The following ATP9B variants were observed in gnomAD, a reference collection of about 807,000 sequenced individuals.
ATP9B encodes ATPase phospholipid transporting 9B, also known as probable phospholipid-transporting ATPase IIB.
A neutral mutation model predicts 146.1 loss-of-function variants in ATP9B; 110 were observed. That is an observed-to-expected ratio of 0.75 (90% confidence interval 0.65 to 0.88). The LOEUF (loss-of-function observed/expected upper bound fraction) is 0.88. Ranked by LOEUF, ATP9B falls within the 40% of genes least tolerant of loss-of-function variation. The pLI is 0.00. For missense variants in ATP9B, 1,499 were observed against 1,496.4 expected (o/e 1.00, Z -0.03); for synonymous variants, 604 against 569.7 (o/e 1.06, Z -0.86).
chr18:79,200,942 C>T (rs538528044), intron 9 of ATP9B, among the ~76,000 whole-genome samples: 2 of 152,294 alleles, frequency 1.3e-5, no homozygotes, highest in East Asian at 3.9e-4. Flanking sequence ...GGTCGGTTGG[C>T]CTCTCAGGTG....
intron 1 of ATP9B, among the ~76,000 whole-genome samples, chr18:79,070,994 G>C (rs1331992166): frequency 1.4e-5 from 2 of 146,732 alleles, no homozygotes; most frequent in Non-Finnish European, 3.0e-5. Context: ...GAATATAAGT[G>C]TGCCATTTAT....
chr18:79,211,623 G>A (rs909066518), intron 10 of ATP9B, among the ~76,000 whole-genome samples: 6 of 152,150 alleles, frequency 3.9e-5, no homozygotes, highest in African/African-American at 7.2e-5. Flanking sequence ...TTATGGATCA[G>A]GCAAATGTAA....
chr18:79,365,764 A>G (rs568138663), intron 26 of ATP9B, among the ~76,000 whole-genome samples: 2 of 150,622 alleles, frequency 1.3e-5, no homozygotes, highest in African/African-American at 2.5e-5. Context: ...CTCCGTGGAC[A>G]GGGACAGTCC....
chr18:79,122,986 T>G (rs1468324867), intron 4 of ATP9B, among the ~76,000 whole-genome samples: 2 of 152,186 alleles, frequency 1.3e-5, no homozygotes, highest in Non-Finnish European at 2.9e-5. Flanking sequence ...CTGACATCAC[T>G]CTTAATCATA....
chr18:79,356,024 G>A (rs1379798241), intron 25 of ATP9B, among the ~76,000 whole-genome samples: 1 of 152,194 alleles, frequency 6.6e-6, no homozygotes, highest in Non-Finnish European at 1.5e-5. Context: ...GTCCAGCAGT[G>A]CTTAAAGATT....
chr18:79,339,780 G>C (rs952636181), intron 19 of ATP9B, among the ~76,000 whole-genome samples: 3 of 152,062 alleles, frequency 2.0e-5, no homozygotes, highest in African/African-American at 7.2e-5. Flanking sequence ...TGAGATCGCA[G>C]TAGGAAGTGC....
chr18:79,198,812 AGTGAGTGAGTGGTGAGT>A (rs1226888169), intron 9 of ATP9B, among the ~76,000 whole-genome samples: 1 of 152,244 alleles, frequency 6.6e-6, no homozygotes, highest in Non-Finnish European at 1.5e-5. Context: ...TGGGTGAGTC[AGTGAGTGAGTGGTGAGT>A]GAATGTGAAG....
At chr18:79,150,243 G>C (rs183920757) in intron 6 of ATP9B, among the ~76,000 whole-genome samples, 3 of 151,940 alleles carry the variant, frequency 2.0e-5, no homozygotes, top group South Asian at 4.2e-4. Context: ...GTGAAGAAGC[G>C]GATCACTTGT....
chr18:79,148,099 A>G (rs537419828), intron 6 of ATP9B, among the ~76,000 whole-genome samples: 9 of 152,372 alleles, frequency 5.9e-5, no homozygotes, highest in East Asian at 3.9e-4. Flanking sequence ...ACCATAAAGT[A>G]TAAGAACTCA....
intron 12 of ATP9B, among the ~76,000 whole-genome samples, chr18:79,271,462 C>G (rs1239697406): frequency 1.4e-5 from 2 of 147,272 alleles, no homozygotes; most frequent in Non-Finnish European, 3.0e-5. Context: ...TTGTTCAGTT[C>G]CCACCTATGA....
At chr18:79,305,050 G>A (rs1212213743) in intron 14 of ATP9B, among the ~76,000 whole-genome samples, 3 of 151,982 alleles carry the variant, frequency 2.0e-5, no homozygotes, top group Admixed American at 1.3e-4. Flanking sequence ...CTTCAAAAGT[G>A]TACACAGCCC....
At chr18:79,371,366 G>A (rs1167797435) in intron 26 of ATP9B, among the ~76,000 whole-genome samples, 1 of 87,720 alleles carries the variant, frequency 1.1e-5, no homozygotes, top group African/African-American at 5.1e-5. Context: ...GCAAGACTCC[G>A]TCTTAAAAAA....
chr18:79,306,849 G>A (rs763932139), intron 14 of ATP9B, 137 bp from the exon 15 acceptor site: 36 of 1,023,462 alleles, frequency 3.5e-5, no homozygotes, highest in Non-Finnish European at 4.9e-5. Flanking sequence ...GTGCTTTATA[G>A]GAGATAATCA....
chr18:79,173,192 T>G (rs2095106479), intron 7 of ATP9B, among the ~76,000 whole-genome samples: 1 of 152,250 alleles, frequency 6.6e-6, no homozygotes, highest in South Asian at 2.1e-4. Flanking sequence ...TATTTTAAAC[T>G]ATTGATATTG....
chr18:79,230,718 A>G (rs2095783002), intron 11 of ATP9B, among the ~76,000 whole-genome samples: 1 of 152,184 alleles, frequency 6.6e-6, no homozygotes, highest in South Asian at 2.1e-4. Flanking sequence ...CTAGAAAAAA[A>G]AAATCCTAAA....
intron 2 of ATP9B, among the ~76,000 whole-genome samples, chr18:79,107,470 G>A (rs567287673): frequency 5.3e-5 from 8 of 152,270 alleles, no homozygotes; most frequent in African/African-American, 1.9e-4. Flanking sequence ...GACCTTTTGA[G>A]TGGGATGTTG....
At chr18:79,168,049 T>A (rs2095005739) in intron 7 of ATP9B, among the ~76,000 whole-genome samples, 1 of 152,202 alleles carries the variant, frequency 6.6e-6, no homozygotes, top group Non-Finnish European at 1.5e-5. Flanking sequence ...CGGAAGGGGA[T>A]GGGGATCCTG....
In ATP9B at chr18:79,110,393, AAG is replaced by A; in HGVS notation, c.335_336del (p.Glu112AlafsTer12). 2 of 1,608,480 alleles carry A rather than the reference AAG, an allele frequency of 1.2e-6. No individual in the cohort carries two copies. The highest frequency in any genetic ancestry group is 1.7e-6 in the Non-Finnish European group (2 of 1,176,944). Reference sequence around the variant, plus strand: ...CTGATAAATATTTGTCGAAGAAAGAAAGAGCTGAAAGCTCGCACAGTATGGCT... The same window carrying A: ...CTGATAAATATTTGTCGAAGAAAGAAAGCTGAAAGCTCGCACAGTATGGCT... On this transcript the variant is annotated frameshift_variant, in exon 3 of 30. Transcript: ENST00000426216. LOFTEE classifies it high-confidence loss of function.
intron 12 of ATP9B, among the ~76,000 whole-genome samples, chr18:79,274,891 G>C (rs775353677): frequency 4.6e-5 from 7 of 152,170 alleles, no homozygotes; most frequent in Non-Finnish European, 7.3e-5. Flanking sequence ...ACAGCTCCGC[G>C]TAAGTCTAAC....
Sources: gnomAD v4.1 joint callset for allele counts (sites outside exome capture counted in the v4.1 genomes callset) on GRCh38, gnomAD v4.1.1 for gene constraint, MANE v1.5 for transcripts, NCBI Gene and HGNC (gene_info 2026-07-23, HGNC 2026-07-21) for gene names.